ABCB8: variants seen among roughly 807,000 people sequenced by gnomAD.
The protein encoded by ABCB8 is ATP binding cassette subfamily B member 8, also known as mitochondrial potassium channel ATP-binding subunit.
In ABCB8, 52 loss-of-function variants were observed where a neutral mutation model predicts 73.0. The ratio of observed to expected loss-of-function variants is 0.71; its 90% CI spans 0.57 to 0.90. The LOEUF is 0.90. ABCB8 is among the 40% of genes least tolerant of loss of function. ABCB8 has a pLI of 0.00. For missense variants in ABCB8, 909 were observed against 974.6 expected, an observed-to-expected ratio of 0.93 and a Z score of 0.90; for synonymous variants, 428 against 423.5, an observed-to-expected ratio of 1.01 and a Z score of -0.13.
At position 151,034,402 on chromosome 7, in the gene ABCB8, C is replaced by T. The variant is rs1796247180; in HGVS notation, c.538C>T (p.His180Tyr). The T allele has an allele frequency of 6.2e-7, 1 of 1,613,928 alleles. No individual in the cohort carries two copies. The highest frequency in any genetic ancestry group is 1.7e-5 in the Admixed American group (1 of 59,996). ...GACTGAGTCCCAGAATCTCAGCACC[C>T]ACCTGCTTATCCTCTATGGTGTCCA... is the stretch of plus-strand genomic sequence containing the variant. Reference protein sequence around the residue: ...FMTESQNLSTHLLILYGVQGL... With the variant: ...FMTESQNLSTYLLILYGVQGL... The change falls in exon 3 of 16, where the codon CAC becomes TAC. Residue 180 changes from histidine to tyrosine, a missense_variant. By Grantham distance (83) the His-to-Tyr change is moderately conservative. Transcript: ENST00000358849.
At position 151,035,872 on chromosome 7, in the gene ABCB8, C is replaced by G; in HGVS notation, c.928-10C>G. 1.9e-6 allele frequency: 3 copies of G among 1,612,922 alleles called. No individual in the cohort carries two copies. The highest frequency in any genetic ancestry group is 2.5e-6 in the Non-Finnish European group (3 of 1,180,028). ...TGGACTCCTTGTCCTGTTTCCTGGA[C>G]TCCTTGCAGATCGCCAGGGCAATGG... On this transcript the variant is annotated splice_polypyrimidine_tract_variant and intron_variant, in intron 6 of 15. Transcript: ENST00000358849.
intron 1 of ABCB8, chr7:151,031,605 G>T: frequency 4.4e-6 from 1 of 225,956 alleles, no homozygotes; most frequent in East Asian, 8.7e-5. Context: ...AGTCCTGTCT[G>T]CCTCCAGCCC....
intron 1 of ABCB8, 179 bp downstream of exon 1, chr7:151,028,789 A>G (rs1373928258): frequency 6.5e-6 from 10 of 1,543,312 alleles, no homozygotes; most frequent in Non-Finnish European, 7.8e-6. Context: ...GTGACACTCC[A>G]GTCGCCAGCA....
At chr7:151,034,247 T>G in intron 2 of ABCB8, 26 bp from the exon 3 acceptor site, 1 of 1,596,946 alleles carries the variant, frequency 6.3e-7, no homozygotes, top group Non-Finnish European at 8.5e-7. Flanking sequence ...CTTAAAACAT[T>G]TGTGCCCTCT....
Position 151,041,327 on chromosome 7 carries a change from C to T in ABCB8, c.1617+95C>T, listed in dbSNP as rs1388237848. 3.5e-6 allele frequency: 5 copies of T among 1,424,276 alleles called. No homozygotes were observed. In the African/African-American group the frequency reaches 5.7e-5, roughly 16 times the overall value. The allele number at this position is 1,424,276 out of a possible 1,614,324, so 88.2% of individuals were successfully genotyped here. ...TCAGGTGCCTTTTCTTTCTTTCCCA[C>T]CCTCATCCTTGCTGCTCTCGGGAGA... On this transcript the variant is annotated intron_variant, in intron 13 of 15. Coordinates refer to ENST00000358849, the MANE Select transcript of ABCB8 (RefSeq NM_007188.5).
chr7:151,037,281 C>T (rs932337820), intron 9 of ABCB8: 5 of 702,926 alleles, frequency 7.1e-6, no homozygotes, highest in African/African-American at 7.0e-5. Context: ...CCTTCCGCTG[C>T]AGGCTGTGAC....
chr7:151,034,316 T>C lies in ABCB8; in HGVS notation c.452T>C (p.Leu151Pro). Reference protein sequence around the residue: ...AALVNVQIPLLLGQLVEVVAK... With the variant: ...AALVNVQIPLPLGQLVEVVAK... Reference sequence around the variant, plus strand: ...CTCGTGAATGTACAGATCCCCCTGCTCCTGGGCCAGCTGGTAGAGGTCGTG... The same window carrying C: ...CTCGTGAATGTACAGATCCCCCTGCCCCTGGGCCAGCTGGTAGAGGTCGTG... Residue 151 changes from leucine (L) to proline (P), a missense_variant, in exon 3 of 16, where the codon CTC (leucine) becomes CCC (proline). By Grantham distance (98) the Leu-to-Pro change is moderately conservative. Coordinates refer to ENST00000358849, the MANE Select transcript of ABCB8 (RefSeq NM_007188.5). 1 of 1,613,766 alleles carries C rather than the reference T, an allele frequency of 6.2e-7. No homozygotes were observed. Among genetic ancestry groups the C allele is most frequent in the Non-Finnish European group, 8.5e-7 (1 of 1,179,988 alleles).
chr7:151,030,245 G>C (rs577239652), intron 1 of ABCB8, among the ~76,000 whole-genome samples: 1 of 152,242 alleles, frequency 6.6e-6, no homozygotes. Context: ...GCTGGGCACG[G>C]TGGCTCACGC....
Position 151,036,615 on chromosome 7 carries a change from A to G in ABCB8, c.1183A>G (p.Met395Val). ...ACAGCAGCTGACAGGGGGAGACCTC[A>G]TGTCCTTCCTGGTGGCCTCCCAGAC... ...AGQQLTGGDLMSFLVASQTVQ... is the reference protein window; with the variant it reads ...AGQQLTGGDLVSFLVASQTVQ... Residue 395 changes from methionine (M) to valine (V), a missense_variant, in exon 9 of 16, where the codon ATG becomes GTG. Met to Val is a conservative substitution (Grantham distance 21). Coordinates refer to ENST00000358849, the MANE Select transcript of ABCB8 (RefSeq NM_007188.5). 6.2e-7 allele frequency: 1 copy of G among 1,613,010 alleles called. No individual in the cohort carries two copies. Among genetic ancestry groups the G allele is most frequent in the Non-Finnish European group, 8.5e-7 (1 of 1,179,420 alleles).
chr7:151,034,688 C>T (rs2117213825), intron 4 of ABCB8, 36 bp from the exon 5 acceptor site: 1 of 1,610,454 alleles, frequency 6.2e-7, no homozygotes, highest in Middle Eastern at 1.7e-4. Flanking sequence ...ATGTCTCCCT[C>T]TTCTGCCCTC....
At chr7:151,033,304 A>G in intron 1 of ABCB8, 1 of 741,228 alleles carries the variant, frequency 1.3e-6, no homozygotes, top group Non-Finnish European at 2.0e-6. Context: ...TCATTCTGTC[A>G]GAGCCTGGAG....
intron 15 of ABCB8, among the ~76,000 whole-genome samples, chr7:151,044,521 G>A (rs1448151113): frequency 6.6e-6 from 1 of 152,100 alleles, no homozygotes; most frequent in Non-Finnish European, 1.5e-5. Flanking sequence ...GGAAGCCAAG[G>A]CAGAAGGATC....
At chr7:151,045,140 C>G in intron 15 of ABCB8, 69 bp from the exon 16 acceptor site, 3 of 1,440,200 alleles carry the variant, frequency 2.1e-6, no homozygotes, top group Non-Finnish European at 2.8e-6. Context: ...TAGAGAGGCT[C>G]AGCTCTCTGA....
In ABCB8 at chr7:151,033,591, C is replaced by T; in HGVS notation, c.96-14C>T. 6.5e-7 allele frequency: 1 copy of T among 1,539,788 alleles called. No individual in the cohort carries two copies. Among genetic ancestry groups the T allele is most frequent in the Non-Finnish European group, 8.8e-7 (1 of 1,140,268 alleles). On this transcript the variant is annotated splice_polypyrimidine_tract_variant and intron_variant, in intron 1 of 15. Coordinates refer to ENST00000358849, the MANE Select transcript of ABCB8 (RefSeq NM_007188.5). Reference sequence around the variant, plus strand: ...TCGGAGCCTCAAGCCATCCATGCCTCTCTCTCCTTACAGGTACTCTGATGG... The same window carrying T: ...TCGGAGCCTCAAGCCATCCATGCCTTTCTCTCCTTACAGGTACTCTGATGG...
intron 1 of ABCB8, 23 bp downstream of exon 1, chr7:151,028,633 A>AGCGCG (rs1197275812): frequency 6.2e-7 from 1 of 1,606,932 alleles, no homozygotes; most frequent in African/African-American, 1.3e-5. Flanking sequence ...AAACCTACTC[A>AGCGCG]GAGCGGGCCA....
At chr7:151,037,666 C>T (rs1796347571) in intron 9 of ABCB8, 1 of 350,114 alleles carries the variant, frequency 2.9e-6, no homozygotes, top group South Asian at 2.4e-5. Flanking sequence ...CCCCCCTGCT[C>T]TTCCACCGGG....
At chr7:151,044,528 G>A (rs952785152) in intron 15 of ABCB8, among the ~76,000 whole-genome samples, 6 of 152,094 alleles carry the variant, frequency 3.9e-5, no homozygotes, top group Non-Finnish European at 5.9e-5. Flanking sequence ...AAGGCAGAAG[G>A]ATCTCTTGAG....
chr7:151,029,973 T>C (rs1247615968), intron 1 of ABCB8, among the ~76,000 whole-genome samples: 1 of 152,204 alleles, frequency 6.6e-6, no homozygotes, highest in African/African-American at 2.4e-5. Flanking sequence ...GTAATCCACA[T>C]GCTCTTGGCA....
At chr7:151,042,703 A>G (rs1004379809) in intron 14 of ABCB8, among the ~76,000 whole-genome samples, 7 of 152,164 alleles carry the variant, frequency 4.6e-5, no homozygotes, top group African/African-American at 9.7e-5. Flanking sequence ...CTTCGGGGCC[A>G]TGTTTCTCGG....
Sources: allele counts gnomAD v4.1 joint callset (sites outside exome capture counted in the v4.1 genomes callset), GRCh38; gene constraint gnomAD v4.1.1; transcripts MANE v1.5; gene names NCBI Gene and HGNC (gene_info 2026-07-23, HGNC 2026-07-21).